Variants in CD72 observed in about 807,000 individuals in gnomAD.
CD72 encodes the protein CD72 molecule.
Under a neutral mutation model 50.7 loss-of-function variants are expected in CD72, and 28 were observed. The observed-to-expected ratio is 0.55, with a 90% CI of 0.41 to 0.76. The LOEUF (loss-of-function observed/expected upper bound fraction) is 0.76, where lower values mean the gene tolerates loss of function less well. Among genes scored for constraint, CD72 ranks in the 30% least tolerant of loss-of-function variants. CD72 has a pLI of 0.00. For synonymous variants in CD72, 176 were observed against 171.2 expected (o/e 1.03, Z -0.22); for missense variants, 403 against 420.6 (o/e 0.96, Z 0.37).
upstream of CD72, among the ~76,000 whole-genome samples, chr9:35,623,691 C>A (rs145558378): frequency 9.2e-5 from 14 of 151,846 alleles, no homozygotes; most frequent in African/African-American, 3.4e-4. Context: ...CCGAGGCAGG[C>A]GGATCACCTG....
intron 5 of CD72, among the ~76,000 whole-genome samples, chr9:35,615,537 C>T (rs748718228): frequency 2.0e-5 from 3 of 152,012 alleles, no homozygotes; most frequent in Non-Finnish European, 4.4e-5. Context: ...TAAGTCTTAC[C>T]CTTTGGGGAG....
At chr9:35,617,919 A>T in intron 2 of CD72, 95 bp downstream of exon 2, 1 of 809,322 alleles carries the variant, frequency 1.2e-6, no homozygotes, top group Non-Finnish European at 2.2e-6. Context: ...TGACAGAACA[A>T]GACCCTGTCT....
chr9:35,621,282 A>G (rs1342935309), upstream of CD72, among the ~76,000 whole-genome samples: 1 of 152,150 alleles, frequency 6.6e-6, no homozygotes, highest in East Asian at 1.9e-4. Flanking sequence ...CCCACTACTC[A>G]TTACAGGGAA....
chr9:35,633,886 C>T (rs1823267936), intron 1 of CD72, among the ~76,000 whole-genome samples: 1 of 152,180 alleles, frequency 6.6e-6, no homozygotes. Context: ...CGGGGATTGT[C>T]TGTATATAGC....
At chr9:35,636,721 C>A (rs10972533) in intron 1 of CD72, among the ~76,000 whole-genome samples, 1 of 152,094 alleles carries the variant, frequency 6.6e-6, no homozygotes, top group Non-Finnish European at 1.5e-5. Flanking sequence ...GAGGCCTAGG[C>A]GGGTGGATCA....
chr9:35,620,495 A>G (rs1358338576), upstream of CD72, among the ~76,000 whole-genome samples: 1 of 151,564 alleles, frequency 6.6e-6, no homozygotes, highest in African/African-American at 2.4e-5. Context: ...AAAATGGAAT[A>G]CATGGGCTTG....
chr9:35,614,851 T>C (rs998811854), intron 5 of CD72, among the ~76,000 whole-genome samples: 4 of 151,354 alleles, frequency 2.6e-5, no homozygotes, highest in Non-Finnish European at 4.4e-5. Flanking sequence ...AAAAAATAAG[T>C]GAGTAGTTGA....
intron 6 of CD72, 132 bp downstream of exon 6, chr9:35,612,716 A>G (rs2131756693): frequency 1.2e-6 from 1 of 820,700 alleles, no homozygotes; most frequent in Admixed American, 2.3e-5. Context: ...CAAGAGTATT[A>G]TGATTCTCAG....
chr9:35,616,769 G>A, intron 3 of CD72, 80 bp from the exon 4 acceptor site: 2 of 1,249,422 alleles, frequency 1.6e-6, no homozygotes, highest in Non-Finnish European at 1.2e-6. Context: ...CCGTGGGGGA[G>A]ACCCCTGGGG....
upstream of CD72, chr9:35,618,736 A>C (rs1045760158): frequency 9.4e-6 from 12 of 1,272,986 alleles, no homozygotes; most frequent in African/African-American, 1.5e-5. Flanking sequence ...CTGGAGCTGC[A>C]CTGACCCAGA....
At chr9:35,614,721 CCAGG>C (rs1484283370) in intron 5 of CD72, among the ~76,000 whole-genome samples, 4 of 151,928 alleles carry the variant, frequency 2.6e-5, no homozygotes, top group Non-Finnish European at 5.9e-5. Flanking sequence ...AGTGAGTGAG[CCAGG>C]TGCGGTGGCT....
At chr9:35,642,970 G>A (rs932826799) in intron 1 of CD72, 3 of 152,178 alleles carry the variant, frequency 2.0e-5, no homozygotes, top group African/African-American at 7.2e-5. Flanking sequence ...ATAGAGAAGA[G>A]GCAGCCAAGT....
In CD72 at chr9:35,610,066, C is replaced by G. The variant is rs761532051; in HGVS notation, c.*257G>C. 7 of 302,130 alleles carry G rather than the reference C, an allele frequency of 2.3e-5. No homozygotes were observed. The highest frequency in any genetic ancestry group is 6.5e-5 in the African/African-American group (3 of 45,846). 18.7% of individuals were successfully genotyped at this position (302,130 alleles called of 1,614,324 possible). ...AGCCCGTGCGCCCTCCTCCCCCACC[C>G]CATTCTACCATGGGAAGTTCTTGGG... is the stretch of plus-strand genomic sequence containing the variant. On this transcript the variant is annotated 3_prime_UTR_variant, in exon 9 of 9. Coordinates refer to ENST00000259633, the MANE Select transcript of CD72 (RefSeq NM_001782.3).
intron 7 of CD72, among the ~76,000 whole-genome samples, 166 bp downstream of exon 7, chr9:35,611,638 G>T (rs1365932378): frequency 6.6e-6 from 1 of 152,192 alleles, no homozygotes; most frequent in Non-Finnish European, 1.5e-5. Context: ...GAATAAGATT[G>T]CCCTAAGAAG....
intron 5 of CD72, among the ~76,000 whole-genome samples, chr9:35,613,773 C>T (rs533937202): frequency 6.6e-6 from 1 of 152,176 alleles, no homozygotes; most frequent in Non-Finnish European, 1.5e-5. Flanking sequence ...GAGGCCGAGG[C>T]GGGGTGGATC....
At chr9:35,627,384 C>T (rs751233626) in intron 1 of CD72, among the ~76,000 whole-genome samples, 5 of 152,084 alleles carry the variant, frequency 3.3e-5, no homozygotes, top group Non-Finnish European at 5.9e-5. Context: ...CCCACCTCGG[C>T]CTCCCAAAGT....
chr9:35,611,004 C>T (rs181272374), intron 7 of CD72, among the ~76,000 whole-genome samples: 1 of 152,196 alleles, frequency 6.6e-6, no homozygotes, highest in East Asian at 1.9e-4. Flanking sequence ...GCAATCCCAG[C>T]ACTTTGGGAG....
rs769045397 is a variant in CD72 at position 35,617,240 on chromosome 9, C to T, written c.198G>A (p.Lys66=). ...TCCAGGACGCAGTTGGCTGCTCCGA[C>T]TTGACCGCTGTCGAGGGGAGCATCC... is the stretch of plus-strand genomic sequence containing the variant. ...SSVLGDKAAV[K]SEQPTASWRA... Residue 66 remains lysine, a synonymous_variant, in exon 3 of 9, where the codon AAG becomes AAA. Transcript: ENST00000259633. 2.4e-5 allele frequency: 38 copies of T among 1,555,734 alleles called. No homozygotes were observed. In the South Asian group the frequency reaches 3.8e-4, roughly 16 times the overall value.
intron 1 of CD72, among the ~76,000 whole-genome samples, chr9:35,635,960 G>C (rs372425033): frequency 6.6e-6 from 1 of 152,110 alleles, no homozygotes; most frequent in South Asian, 2.1e-4. Context: ...CAAATAAAAA[G>C]TCACCAAAAC....
Sources: allele counts gnomAD v4.1 joint callset (sites outside exome capture counted in the v4.1 genomes callset), GRCh38; gene constraint gnomAD v4.1.1; transcripts MANE v1.5; gene names NCBI Gene and HGNC (gene_info 2026-07-23, HGNC 2026-07-21).